Variants in CCDC6 observed in about 807,000 individuals in gnomAD.
CCDC6 encodes coiled-coil domain containing 6, also known as coiled-coil domain-containing protein 6.
Under a neutral mutation model 56.6 loss-of-function variants are expected in CCDC6, and 20 were observed. The ratio of observed to expected loss-of-function variants is 0.35; its 90% CI spans 0.25 to 0.51. The LOEUF is 0.51. Ranked by LOEUF, CCDC6 falls within the 20% of genes least tolerant of loss-of-function variation. The pLI, the probability that CCDC6 is intolerant of heterozygous loss-of-function variation, is 0.95. For synonymous variants in CCDC6, 241 were observed against 234.4 expected (o/e 1.03, Z -0.26); for missense variants, 367 against 601.1 (o/e 0.61, Z 4.07).
intron 1 of CCDC6, among the ~76,000 whole-genome samples, chr10:59,878,100 C>T (rs2071300316): frequency 6.6e-6 from 1 of 152,148 alleles, no homozygotes; most frequent in Admixed American, 6.5e-5. Flanking sequence ...GACAGTACCT[C>T]AGTTCCTTAG....
chr10:59,837,059 G>A (rs1474115750), intron 2 of CCDC6, among the ~76,000 whole-genome samples: 1 of 152,146 alleles, frequency 6.6e-6, no homozygotes, highest in Non-Finnish European at 1.5e-5. Context: ...TTGATCTTAA[G>A]CAGGCTAGCC....
At chr10:59,899,328 A>G (rs2071487155) in intron 1 of CCDC6, among the ~76,000 whole-genome samples, 1 of 152,238 alleles carries the variant, frequency 6.6e-6, no homozygotes, top group African/African-American at 2.4e-5. Flanking sequence ...CCACTAAGGA[A>G]AAAAAGTATG....
At chr10:59,868,775 C>T (rs141084687) in intron 1 of CCDC6, among the ~76,000 whole-genome samples, 3 of 152,150 alleles carry the variant, frequency 2.0e-5, no homozygotes, top group East Asian at 1.9e-4. Flanking sequence ...TAAAAACCCT[C>T]GGCTCCAATG....
chr10:59,866,137 T>C (rs1369020969), intron 1 of CCDC6, among the ~76,000 whole-genome samples: 2 of 152,204 alleles, frequency 1.3e-5, no homozygotes, highest in South Asian at 2.1e-4. Flanking sequence ...ATCTCCTGCA[T>C]GGGAAGCACC....
In CCDC6 at chr10:59,793,505, C is replaced by T. The variant is rs570502173; in HGVS notation, c.1231-394G>A. Reference sequence around the variant, plus strand: ...ACAGAAATGTTTCTATGTTTGAGGCCGGGTGCAGTGGCTCACACCTGTAAT... The same window carrying T: ...ACAGAAATGTTTCTATGTTTGAGGCTGGGTGCAGTGGCTCACACCTGTAAT... On this transcript the variant is annotated intron_variant, in intron 8 of 8. Coordinates refer to ENST00000263102, the MANE Select transcript of CCDC6 (RefSeq NM_005436.5). Among the ~76,000 whole-genome samples the T allele has an allele frequency of 3.9e-5, 6 of 152,242 alleles. No homozygotes were observed. The South Asian group carries it at 1.0e-3, about 26-fold the overall frequency.
At chr10:59,888,053 G>T (rs1168817134) in intron 1 of CCDC6, among the ~76,000 whole-genome samples, 1 of 152,240 alleles carries the variant, frequency 6.6e-6, no homozygotes, top group Non-Finnish European at 1.5e-5. Flanking sequence ...CCACTCCATA[G>T]ATGCTGCTCA....
intron 1 of CCDC6, among the ~76,000 whole-genome samples, chr10:59,899,982 G>A (rs2071492988): frequency 6.6e-6 from 1 of 152,166 alleles, no homozygotes; most frequent in African/African-American, 2.4e-5. Flanking sequence ...GCAGGGGAGT[G>A]GCTCTATGAA....
rs1442721181 is a variant in CCDC6, at chr10:59,906,358, T to C, written c.67A>G (p.Met23Val). Residue 23 changes from methionine to valine, a missense_variant, in exon 1 of 9, where the codon ATG becomes GTG. By Grantham distance (21) the Met-to-Val change is conservative (BLOSUM62 1). Transcript: ENST00000263102. The part of the protein sequence containing the change: ...AGGNSSSSAA[M>V]QSSCSSTSGG... Reference sequence around the variant, plus strand: ...GAGGTCGACGAGCAGGACGACTGCATGGCGGCCGAGCTGCTGCTGTTGCCC... The same window carrying C: ...GAGGTCGACGAGCAGGACGACTGCACGGCGGCCGAGCTGCTGCTGTTGCCC... The C allele has an allele frequency of 3.1e-6, 5 of 1,595,526 alleles. No individual in the cohort carries two copies. Among genetic ancestry groups the C allele is most frequent in the South Asian group, 2.2e-5 (2 of 90,780 alleles).
At chr10:59,827,218 T>C (rs1270395166) in intron 3 of CCDC6, among the ~76,000 whole-genome samples, 1 of 152,152 alleles carries the variant, frequency 6.6e-6, no homozygotes, top group Non-Finnish European at 1.5e-5. Flanking sequence ...AAACTGAAGG[T>C]CAAGACCCAT....
chr10:59,851,983 A>G (rs1047574147), intron 2 of CCDC6, among the ~76,000 whole-genome samples: 1 of 152,044 alleles, frequency 6.6e-6, no homozygotes, highest in Admixed American at 6.6e-5. Flanking sequence ...AAACCTTCCT[A>G]TATGTTTTGT....
At position 59,792,364 on chromosome 10, in the gene CCDC6, G is replaced by C. The variant is rs2070475722; in HGVS notation, c.*553C>G. ...ATAACCTGTAAAAAATGTATCTGTA[G>C]AAAGTTCTGTTAAACAGAAAATATG... On this transcript the variant is annotated 3_prime_UTR_variant, in exon 9 of 9. Transcript: ENST00000263102. 1 of 395,300 alleles carries C rather than the reference G, an allele frequency of 2.5e-6. No homozygotes were observed. Among genetic ancestry groups the C allele is most frequent in the South Asian group, 2.6e-5 (1 of 37,794 alleles). The allele number at this position is 395,300 out of a possible 1,614,324, so 24.5% of individuals were successfully genotyped here.
intron 2 of CCDC6, among the ~76,000 whole-genome samples, chr10:59,841,006 T>G (rs1216110456): frequency 1.3e-5 from 2 of 152,202 alleles, no homozygotes; most frequent in Non-Finnish European, 2.9e-5. Context: ...TAGGATCATT[T>G]TGCTACTCTG....
rs35175510 is a variant in CCDC6, at chr10:59,902,388, CTTTTTTTTTTT to C, written c.303+3723_303+3733del. ...CAAATGTTGGTGAGCAACAGTAACT[CTTTTTTTTTTT>C]TTTTTTTTTTTTGAGATGAAGTCTG... On this transcript the variant is annotated intron_variant, in intron 1 of 8. Coordinates refer to ENST00000263102, the MANE Select transcript of CCDC6 (RefSeq NM_005436.5). Among the ~76,000 whole-genome samples, 42 of 88,424 alleles carry C rather than the reference CTTTTTTTTTTT, an allele frequency of 4.7e-4. 2 individuals carry two copies. The highest frequency in any genetic ancestry group is 2.3e-3 in the South Asian group (5 of 2,134). 58.0% of individuals were successfully genotyped at this position (88,424 alleles called of 152,430 possible).
chr10:59,810,781 C>T (rs1018723739), intron 5 of CCDC6, among the ~76,000 whole-genome samples: 3 of 152,064 alleles, frequency 2.0e-5, no homozygotes, highest in African/African-American at 7.2e-5. Context: ...TGTCCACATG[C>T]TAATCCCCAA....
intron 3 of CCDC6, among the ~76,000 whole-genome samples, chr10:59,817,878 T>C (rs2070720282): frequency 6.6e-6 from 1 of 152,156 alleles, no homozygotes; most frequent in Non-Finnish European, 1.5e-5. Flanking sequence ...GTCAAGACAG[T>C]AGCTGTCTTC....
intron 1 of CCDC6, among the ~76,000 whole-genome samples, chr10:59,883,694 G>A (rs1426833229): frequency 6.6e-6 from 1 of 152,118 alleles, no homozygotes; most frequent in African/African-American, 2.4e-5. Context: ...ACACAAATTG[G>A]AGTCAACTCA....
intron 3 of CCDC6, among the ~76,000 whole-genome samples, chr10:59,829,013 CT>C (rs1455831090): frequency 2.0e-5 from 3 of 152,158 alleles, no homozygotes; most frequent in African/African-American, 7.2e-5. Context: ...TGAACATTCC[CT>C]GTTTGAAGAA....
At chr10:59,895,836 C>T (rs1000801955) in intron 1 of CCDC6, among the ~76,000 whole-genome samples, 4 of 152,162 alleles carry the variant, frequency 2.6e-5, no homozygotes, top group African/African-American at 4.8e-5. Context: ...CAGTGTGATT[C>T]AGCCTGAGCG....
At chr10:59,876,073 CTTTTTTT>C (rs1172379933) in intron 1 of CCDC6, among the ~76,000 whole-genome samples, 3 of 97,584 alleles carry the variant, frequency 3.1e-5, no homozygotes, top group African/African-American at 4.1e-5. Flanking sequence ...GCACAGATGT[CTTTTTTT>C]TTTTTTTTTT....
Sources: gnomAD v4.1 joint callset for allele counts (sites outside exome capture counted in the v4.1 genomes callset) on GRCh38, gnomAD v4.1.1 for gene constraint, MANE v1.5 for transcripts, NCBI Gene and HGNC (gene_info 2026-07-23, HGNC 2026-07-21) for gene names.